Variants in INO80 observed in about 807,000 individuals in gnomAD.
The protein encoded by INO80 is INO80 complex ATPase subunit.
In INO80, 20 loss-of-function variants were observed where a neutral mutation model predicts 203.4. That is an observed-to-expected ratio of 0.10 (90% CI 0.07 to 0.14). The LOEUF (loss-of-function observed/expected upper bound fraction) is 0.14. Ranked by LOEUF, INO80 falls within the 10% of genes least tolerant of loss-of-function variation. INO80 has a pLI of 1.00. For synonymous variants in INO80, 726 were observed against 685.2 expected (o/e 1.06, Z -0.93); for missense variants, 1,419 against 1,914.4 (o/e 0.74, Z 4.83).
chr15:41,085,480 A>C lies in INO80; in HGVS notation c.762T>G (p.Phe254Leu). ...TGCCAGGGGGAGGTGCATCGTGAGA[A>C]AACTTGGCAAAGACTTTGGTCTGGT... ...HHHQTKVFAK[F>L]SHDAPPPGTK... The change falls in exon 7 of 36, where the codon TTT becomes TTG. Residue 254 changes from phenylalanine (F) to leucine (L), a missense_variant. By Grantham distance (22) the Phe-to-Leu change is conservative. This residue lies in a region of INO80 where 323 missense variants were observed against 325.4 expected (regional missense o/e 0.99). Coordinates refer to ENST00000648947, the MANE Select transcript of INO80 (RefSeq NM_017553.3). 6.2e-7 allele frequency: 1 copy of C among 1,614,214 alleles called. No homozygotes were observed. The highest frequency in any genetic ancestry group is 2.2e-5 in the East Asian group (1 of 44,882).
Position 41,076,004 on chromosome 15 carries a change from T to C in INO80, c.1132-1439A>G, listed in dbSNP as rs144817447. The stretch of plus-strand genomic sequence containing the variant: ...TAGGTATATGAAATTAACAAGTTAA[T>C]GGAAGAAAGAAAATACTCCCCAAAA... On this transcript the variant is annotated intron_variant, in intron 9 of 35. Transcript: ENST00000648947. 3.7e-3 allele frequency among the ~76,000 whole-genome samples: 567 copies of C among 152,262 alleles called. 2 individuals carry two copies. Among genetic ancestry groups the C allele is most frequent in the Non-Finnish European group, 5.7e-3 (388 of 68,014 alleles).
intron 30 of INO80, 67 bp downstream of exon 30, chr15:40,987,749 T>C (rs2043760147): frequency 7.9e-6 from 11 of 1,400,506 alleles, no homozygotes; most frequent in Non-Finnish European, 1.1e-5. Flanking sequence ...ATAGTCTCAA[T>C]GCAGTCAATG....
At chr15:41,030,028 T>G (rs1031204544) in intron 24 of INO80, among the ~76,000 whole-genome samples, 2 of 152,220 alleles carry the variant, frequency 1.3e-5, no homozygotes, top group Non-Finnish European at 2.9e-5. Flanking sequence ...CCTGAAGACT[T>G]CTGAATTCTT....
At chr15:41,070,344 G>T in intron 13 of INO80, 123 bp downstream of exon 13, 1 of 863,948 alleles carries the variant, frequency 1.2e-6, no homozygotes, top group Non-Finnish European at 1.8e-6. Flanking sequence ...TCTGAGGCAA[G>T]AACCCAGTCC....
chr15:41,112,955 G>A (rs1380005046), intron 1 of INO80, among the ~76,000 whole-genome samples: 1 of 151,576 alleles, frequency 6.6e-6, no homozygotes, highest in Admixed American at 6.6e-5. Context: ...GGGCTCTGTC[G>A]CCCAGGCTGG....
intron 1 of INO80, among the ~76,000 whole-genome samples, chr15:41,114,250 G>A (rs576829588): frequency 1.2e-3 from 186 of 150,824 alleles, no homozygotes; most frequent in African/African-American, 4.5e-3. Context: ...CTGGGCGACA[G>A]AGCCAGACTC....
intron 1 of INO80, 122 bp from the exon 2 acceptor site, chr15:41,096,475 G>A (rs1438047760): frequency 3.5e-6 from 2 of 565,304 alleles, no homozygotes; most frequent in African/African-American, 3.9e-5. Flanking sequence ...TGAAAAGACA[G>A]GAGTCTGCAG....
chr15:41,044,219 G>A (rs1441893478), intron 24 of INO80, among the ~76,000 whole-genome samples: 2 of 152,210 alleles, frequency 1.3e-5, no homozygotes, highest in Non-Finnish European at 2.9e-5. Flanking sequence ...AAAGAAAGGA[G>A]TGTTTGCATT....
rs773258691 is a variant in INO80, at chr15:41,021,030, C to T, written c.3144G>A (p.Gln1048=). The T allele has an allele frequency of 7.4e-6, 12 of 1,614,050 alleles. No individual in the cohort carries two copies. The South Asian group carries it at 8.8e-5, about 12-fold the overall frequency. Residue 1048 remains glutamine, a synonymous_variant, in exon 26 of 36, where the codon CAG becomes CAA. Coordinates refer to ENST00000648947, the MANE Select transcript of INO80 (RefSeq NM_017553.3). ...LKEGGSLAAK[Q]CLLNGAPELA... ...GTTCAGGGGCCCCATTCAACAAACA[C>T]TGCTTGGCTGCCAGACTCCCTCCTT...
chr15:41,056,916 T>C (rs1453238108), intron 16 of INO80, among the ~76,000 whole-genome samples: 4 of 152,082 alleles, frequency 2.6e-5, no homozygotes, highest in African/African-American at 9.7e-5. Flanking sequence ...GAAAACACGG[T>C]ATTTGGATTT....
At chr15:41,005,288 T>G in intron 28 of INO80, 1 of 234,934 alleles carries the variant, frequency 4.3e-6, no homozygotes, top group Non-Finnish European at 8.1e-6. Context: ...CTATTATCCA[T>G]TGAGGAGGAT....
intron 1 of INO80, among the ~76,000 whole-genome samples, chr15:41,107,507 ATAAC>A (rs535074130): frequency 1.3e-3 from 195 of 152,186 alleles, no homozygotes; most frequent in Admixed American, 2.1e-3. Context: ...TCATTAAAAA[ATAAC>A]TAACTAGGCC....
At chr15:41,085,318 G>A in intron 7 of INO80, 51 bp downstream of exon 7, 3 of 1,472,550 alleles carry the variant, frequency 2.0e-6, no homozygotes, top group Non-Finnish European at 1.9e-6. Context: ...TTTAGTGGGT[G>A]GGGAGAGAAA....
intron 27 of INO80, among the ~76,000 whole-genome samples, chr15:41,012,550 G>A (rs1004556045): frequency 1.9e-3 from 25 of 13,382 alleles, no homozygotes; most frequent in East Asian, 0.012. Flanking sequence ...GTGACAGAGC[G>A]AGACTCTTTT....
rs184636354 is a variant in INO80, at chr15:41,056,588, A to C, written c.2070+34T>G. On this transcript the variant is annotated intron_variant, in intron 17 of 35. Coordinates refer to ENST00000648947, the MANE Select transcript of INO80 (RefSeq NM_017553.3). ...TCTGCTGGAATCCTTCTGTTTTATG[A>C]AGATATAAACCTGTGACCTGGACTA... is the stretch of plus-strand genomic sequence containing the variant. 8.9e-6 allele frequency: 13 copies of C among 1,458,606 alleles called. No individual in the cohort carries two copies. In the African/African-American group the frequency reaches 1.7e-4, roughly 19 times the overall value. The allele number at this position is 1,458,606 out of a possible 1,614,324, so 90.4% of individuals were successfully genotyped here.
At chr15:41,105,341 C>G (rs747108600) in intron 1 of INO80, among the ~76,000 whole-genome samples, 1 of 152,150 alleles carries the variant, frequency 6.6e-6, no homozygotes. Context: ...CCTATTTTCT[C>G]AAATACTTAG....
Position 41,027,688 on chromosome 15 carries a change from G to C in INO80, c.2956C>G (p.Gln986Glu), listed in dbSNP as rs746764273. The part of the protein sequence containing the change: ...HCKAVSGYSD[Q>E]VVHQRRSATS... ...GCTGATCTCCGCTGATGGACAACCT[G>C]GTCTGAGTAGCCACTCACTGCTTTA... Residue 986 changes from glutamine (Q) to glutamate (E), a missense_variant, in exon 25 of 36, where the codon CAG becomes GAG. Around this residue, in one of 9 missense-constraint regions of INO80, gnomAD observed 302 missense variants for 345.4 expected, o/e 0.87. Transcript: ENST00000648947. 2 of 1,613,106 alleles carry C rather than the reference G, an allele frequency of 1.2e-6. No individual in the cohort carries two copies. Among genetic ancestry groups the C allele is most frequent in the Non-Finnish European group, 1.7e-6 (2 of 1,179,540 alleles).
intron 19 of INO80, among the ~76,000 whole-genome samples, chr15:41,052,715 C>G (rs150976543): frequency 6.8e-6 from 1 of 146,310 alleles, no homozygotes; most frequent in Non-Finnish European, 1.5e-5. Context: ...GGGGAAAAAA[C>G]GGAGGGAGAG....
chr15:41,106,383 CAAA>C (rs369784846), intron 1 of INO80, among the ~76,000 whole-genome samples: 10 of 83,902 alleles, frequency 1.2e-4, no homozygotes, highest in African/African-American at 1.6e-4. Flanking sequence ...GACCCTGTCT[CAAA>C]AAAAAAAAAA....
Sources: allele counts gnomAD v4.1 joint callset (sites outside exome capture counted in the v4.1 genomes callset), GRCh38; gene constraint gnomAD v4.1.1; regional missense constraint gnomAD v4.1.1; transcripts MANE v1.5; gene names NCBI Gene and HGNC (gene_info 2026-07-23, HGNC 2026-07-21).